TRMT13: variants seen among roughly 807,000 people sequenced by gnomAD.
TRMT13 encodes the protein tRNA methyltransferase 13.
Under a neutral mutation model 55.9 loss-of-function variants are expected in TRMT13, and 45 were observed. That is an observed-to-expected ratio of 0.80 (90% CI 0.63 to 1.03). TRMT13 has a LOEUF of 1.03. TRMT13 is among the 50% of genes least tolerant of loss of function. TRMT13 has a pLI of 0.00. For missense variants in TRMT13, 513 were observed against 563.9 expected (o/e 0.91, Z 0.91); for synonymous variants, 183 against 196.3 (o/e 0.93, Z 0.57).
chr1:100,137,067 A>G lies in TRMT13; in HGVS notation c.243A>G (p.Ser81=). Residue 81 remains serine (S), a synonymous_variant, in exon 3 of 11, where the codon TCA becomes TCG. Transcript: ENST00000370141. The part of the protein sequence containing the change: ...QLAKHLKKCN[S]REKPKPDFYI... ...CAAAGCATTTGAAAAAATGTAACTC[A>G]AGAGAGAAACCAAAACCTGTAAGTG... 1 of 1,612,656 alleles carries G rather than the reference A, an allele frequency of 6.2e-7. No homozygotes were observed. Among genetic ancestry groups the G allele is most frequent in the South Asian group, 1.1e-5 (1 of 90,856 alleles).
chr1:100,146,482 C>T (rs1048470809), intron 9 of TRMT13, among the ~76,000 whole-genome samples: 3 of 152,008 alleles, frequency 2.0e-5, no homozygotes, highest in African/African-American at 7.2e-5. Context: ...GCTAAAGCTC[C>T]TTCTAATTCT....
At position 100,139,712 on chromosome 1, in the gene TRMT13, G is replaced by C; in HGVS notation, c.324+1G>C. 6.7e-7 allele frequency: 1 copy of C among 1,491,428 alleles called. No individual in the cohort carries two copies. The highest frequency in any genetic ancestry group is 9.3e-7 in the Non-Finnish European group (1 of 1,073,258). 92.4% of individuals were successfully genotyped at this position (1,491,428 alleles called of 1,614,324 possible). Reference sequence around the variant, plus strand: ...TGAAACAGAAATACCTGAACAATTAGTAAGTACATTGACTTAATATTTAAT... The same window carrying C: ...TGAAACAGAAATACCTGAACAATTACTAAGTACATTGACTTAATATTTAAT... On this transcript the variant is annotated splice_donor_variant, in intron 4 of 10. Transcript: ENST00000370141. LOFTEE classifies it high-confidence loss of function.
chr1:100,133,183 G>C lies in TRMT13; in HGVS notation c.15G>C (p.Ala5=). 1.9e-6 allele frequency: 3 copies of C among 1,614,202 alleles called. No individual in the cohort carries two copies. Among genetic ancestry groups the C allele is most frequent in the Non-Finnish European group, 2.5e-6 (3 of 1,180,040 alleles). The change falls in exon 1 of 11, where the codon GCG becomes GCC. Residue 5 remains alanine, a synonymous_variant. Transcript: ENST00000370141. MATS[A]TSPHAPGFPA... ...GCCCTAGAATTATGGCGACCTCCGC[G>C]ACGTCGCCGCACGCGCCTGGTTTTC...
At chr1:100,139,060 A>G (rs1656270722) in intron 3 of TRMT13, among the ~76,000 whole-genome samples, 1 of 152,242 alleles carries the variant, frequency 6.6e-6, no homozygotes. Context: ...TTGGCCTCCC[A>G]AAGTGCTAGG....
At position 100,140,884 on chromosome 1, in the gene TRMT13, G is replaced by A; in HGVS notation, c.534G>A (p.Lys178=). 3 of 1,613,348 alleles carry A rather than the reference G, an allele frequency of 1.9e-6. No homozygotes were observed. Among genetic ancestry groups the A allele is most frequent in the Non-Finnish European group, 2.5e-6 (3 of 1,179,668 alleles). Residue 178 remains lysine (K), a synonymous_variant, in exon 7 of 11, where the codon AAG becomes AAA. Transcript: ENST00000370141. ...ASILGNIENL[K]LLGPRRCFVE... ...TTTTAGGTAACATTGAAAATTTAAA[G>A]TTACTTGGTCCAAGAAGATGCTTTG...
intron 8 of TRMT13, 49 bp downstream of exon 8, chr1:100,143,258 T>A: frequency 7.8e-7 from 1 of 1,276,214 alleles, no homozygotes; most frequent in Non-Finnish European, 1.1e-6. Flanking sequence ...ATAACTGTTT[T>A]AAACTCTGAG....
intron 3 of TRMT13, among the ~76,000 whole-genome samples, chr1:100,139,000 A>G (rs944627773): frequency 6.6e-6 from 1 of 152,156 alleles, no homozygotes; most frequent in East Asian, 1.9e-4. Flanking sequence ...GGGTCTCCCT[A>G]TATTGCCCAG....
chr1:100,147,786 G>A, intron 9 of TRMT13, 108 bp from the exon 10 acceptor site: 3 of 1,029,638 alleles, frequency 2.9e-6, no homozygotes, highest in East Asian at 5.2e-5. Context: ...GTAGGTTTTT[G>A]CTGTTTTTAT....
intron 1 of TRMT13, among the ~76,000 whole-genome samples, chr1:100,134,827 C>T (rs1655591187): frequency 6.6e-6 from 1 of 152,210 alleles, no homozygotes; most frequent in African/African-American, 2.4e-5. Context: ...TCATTAGACA[C>T]TTGAAGAGAG....
Position 100,150,301 on chromosome 1 carries a change from T to C in TRMT13, c.*1481T>C, listed in dbSNP as rs1003227083. On this transcript the variant is annotated 3_prime_UTR_variant, in exon 11 of 11. Coordinates refer to ENST00000370141, the MANE Select transcript of TRMT13 (RefSeq NM_019083.3). ...TAAGTTGTTAACTTTTTTCCCTTGT[T>C]ATAAGTTTTATGTCAAGTAAGGTAG... 5 of 152,234 alleles carry C rather than the reference T, an allele frequency of 3.3e-5. No individual in the cohort carries two copies. Among genetic ancestry groups the C allele is most frequent in the Admixed American group, 3.3e-4 (5 of 15,286 alleles). The allele number at this position is 152,234 out of a possible 1,614,324, so 9.4% of individuals were successfully genotyped here.
At chr1:100,137,398 G>T (rs1270713773) in intron 3 of TRMT13, among the ~76,000 whole-genome samples, 1 of 152,028 alleles carries the variant, frequency 6.6e-6, no homozygotes, top group Non-Finnish European at 1.5e-5. Flanking sequence ...GGTTCTCGCT[G>T]TGTTGCCCAG....
Position 100,148,036 on chromosome 1 carries a change from C to T in TRMT13, c.960C>T (p.Val320=). 2 of 1,614,128 alleles carry T rather than the reference C, an allele frequency of 1.2e-6. No homozygotes were observed. The highest frequency in any genetic ancestry group is 1.7e-6 in the Non-Finnish European group (2 of 1,180,022). The change falls in exon 10 of 11, where the codon GTC becomes GTT. Residue 320 remains valine (V), a synonymous_variant. Coordinates refer to ENST00000370141, the MANE Select transcript of TRMT13 (RefSeq NM_019083.3). ...CCAAGGAAGGAAATGAAAAAAATGT[C>T]CCAGAGAAGTGGAACCCTGTGGCTG... ...TLAKEGNEKN[V]PEKWNPVAGI...
intron 9 of TRMT13, among the ~76,000 whole-genome samples, chr1:100,147,406 A>G (rs1657402531): frequency 6.6e-6 from 1 of 152,190 alleles, no homozygotes; most frequent in African/African-American, 2.4e-5. Flanking sequence ...TCAACTCTTC[A>G]GTTCATCACT....
At chr1:100,145,622 G>A (rs1657152888) in intron 9 of TRMT13, among the ~76,000 whole-genome samples, 1 of 152,174 alleles carries the variant, frequency 6.6e-6, no homozygotes, top group South Asian at 2.1e-4. Flanking sequence ...AGTGGCTTAT[G>A]CCTGGAAACC....
chr1:100,147,813 A>G, intron 9 of TRMT13, 81 bp from the exon 10 acceptor site: 2 of 1,344,664 alleles, frequency 1.5e-6, no homozygotes, highest in Non-Finnish European at 2.0e-6. Context: ...GTTTTTAAAA[A>G]CAGTACTGCT....
At chr1:100,140,793 TC>T in intron 6 of TRMT13, 58 bp from the exon 7 acceptor site, 1 of 1,485,684 alleles carries the variant, frequency 6.7e-7, no homozygotes, top group South Asian at 1.2e-5. Context: ...CTTGCTGTTT[TC>T]CCATTTGAAC....
Position 100,147,891 on chromosome 1 carries a change from C to A in TRMT13, c.818-3C>A. 1 of 1,585,234 alleles carries A rather than the reference C, an allele frequency of 6.3e-7. No homozygotes were observed. The highest frequency in any genetic ancestry group is 1.2e-5 in the South Asian group (1 of 86,608). ...TGGGGGGGCCACATAATTGTGTTTGCAGATCTTGCATTACGATGTTTGGTT... is the reference window on the plus strand; with the variant it reads ...TGGGGGGGCCACATAATTGTGTTTGAAGATCTTGCATTACGATGTTTGGTT... On this transcript the variant is annotated splice_polypyrimidine_tract_variant and splice_region_variant and intron_variant, in intron 9 of 10. Transcript: ENST00000370141.
chr1:100,137,486 C>G (rs1417345519), intron 3 of TRMT13, among the ~76,000 whole-genome samples: 1 of 152,174 alleles, frequency 6.6e-6, no homozygotes, highest in African/African-American at 2.4e-5. Context: ...GCGTGAGCCA[C>G]CAAATCCAGC....
At chr1:100,139,407 A>C (rs979260988) in intron 3 of TRMT13, among the ~76,000 whole-genome samples, 5 of 152,188 alleles carry the variant, frequency 3.3e-5, no homozygotes, top group African/African-American at 1.2e-4. Flanking sequence ...ACCTCACTAG[A>C]ATATAAGATC....
Sources: gnomAD v4.1 joint callset for allele counts (sites outside exome capture counted in the v4.1 genomes callset) on GRCh38, gnomAD v4.1.1 for gene constraint, MANE v1.5 for transcripts, NCBI Gene and HGNC (gene_info 2026-07-23, HGNC 2026-07-21) for gene names.